Variants in KAT6B observed in about 807,000 individuals in gnomAD.
KAT6B encodes histone acetyltransferase KAT6B.
A neutral mutation model predicts 187.5 loss-of-function variants in KAT6B; 10 were observed. That is an observed-to-expected ratio of 0.05 (90% confidence interval 0.03 to 0.09). KAT6B has a LOEUF of 0.09. Among genes scored for constraint, KAT6B ranks in the 10% least tolerant of loss-of-function variants. The pLI is 1.00. For synonymous variants in KAT6B, 861 were observed against 926.8 expected (o/e 0.93, Z 1.29); for missense variants, 1,952 against 2,558.9 (o/e 0.76, Z 5.12).
At chr10:75,020,544 C>A in intron 13 of KAT6B, 38 bp from the exon 14 acceptor site, 1 of 1,422,262 alleles carries the variant, frequency 7.0e-7, no homozygotes, top group Non-Finnish European at 9.9e-7. Flanking sequence ...TCTGGGAATG[C>A]CACAGTGAGG....
intron 11 of KAT6B, chr10:74,984,040 T>A (rs1457492782): frequency 6.6e-6 from 1 of 152,202 alleles, no homozygotes; most frequent in African/African-American, 2.4e-5. Context: ...TCTCCATCTT[T>A]CCTTTTTGTA....
At chr10:74,975,248 A>G in intron 7 of KAT6B, 151 bp from the exon 8 acceptor site, 1 of 688,146 alleles carries the variant, frequency 1.5e-6, no homozygotes, top group Non-Finnish European at 2.5e-6. Context: ...TGCCTTTCCA[A>G]CAGAGAAACA....
chr10:74,884,507 T>A (rs1206857573), intron 3 of KAT6B, among the ~76,000 whole-genome samples: 3 of 152,236 alleles, frequency 2.0e-5, no homozygotes, highest in Non-Finnish European at 4.4e-5. Flanking sequence ...AGTGTGTTTT[T>A]AAATTTAATT....
intron 3 of KAT6B, among the ~76,000 whole-genome samples, chr10:74,909,734 T>G (rs1394602313): frequency 6.6e-6 from 1 of 152,206 alleles, no homozygotes; most frequent in Admixed American, 6.5e-5. Context: ...CCTAAATTTC[T>G]TCCCCCAAGT....
intron 3 of KAT6B, among the ~76,000 whole-genome samples, chr10:74,855,960 CT>C (rs1202553176): frequency 2.3e-4 from 35 of 152,226 alleles, no homozygotes; most frequent in Admixed American, 9.8e-4. Context: ...TATTTCACCC[CT>C]AAATACTTAA....
chr10:74,832,662 T>C (rs111621703), intron 1 of KAT6B, among the ~76,000 whole-genome samples: 253 of 151,740 alleles, frequency 1.7e-3, no homozygotes, highest in Non-Finnish European at 2.7e-3. Context: ...CCACCACGCC[T>C]GCTAATTTTT....
intron 13 of KAT6B, among the ~76,000 whole-genome samples, chr10:74,998,544 A>G (rs1323628630): frequency 1.3e-5 from 2 of 152,164 alleles, no homozygotes; most frequent in African/African-American, 2.4e-5. Flanking sequence ...AAAAACTAAA[A>G]CAGACTTGAT....
intron 13 of KAT6B, among the ~76,000 whole-genome samples, chr10:74,993,418 T>C (rs1229278478): frequency 2.0e-5 from 3 of 152,256 alleles, no homozygotes; most frequent in Non-Finnish European, 4.4e-5. Context: ...TTCTCTCTCA[T>C]ATTTTCTTTT....
chr10:74,907,987 A>T (rs1172771140), intron 3 of KAT6B, among the ~76,000 whole-genome samples: 2 of 152,176 alleles, frequency 1.3e-5, no homozygotes, highest in Non-Finnish European at 2.9e-5. Context: ...TTAAGAGGTG[A>T]TTGGATCACC....
chr10:75,007,934 G>A (rs913360073), intron 13 of KAT6B, among the ~76,000 whole-genome samples: 2 of 152,034 alleles, frequency 1.3e-5, no homozygotes, highest in Non-Finnish European at 2.9e-5. Flanking sequence ...TTTAGTGTAC[G>A]GGCATCAACT....
intron 3 of KAT6B, among the ~76,000 whole-genome samples, chr10:74,929,047 T>A (rs1288319282): frequency 4.6e-5 from 7 of 152,226 alleles, no homozygotes; most frequent in African/African-American, 1.7e-4. Context: ...TACGCAAAGC[T>A]TTTTGGGCTT....
intron 3 of KAT6B, among the ~76,000 whole-genome samples, chr10:74,917,031 G>GGAAGT (rs1035568563): frequency 1.8e-4 from 28 of 152,274 alleles, no homozygotes; most frequent in African/African-American, 6.7e-4. Flanking sequence ...CTTGAGCCTG[G>GGAAGT]GAAGTGGAGG....
At chr10:75,017,730 G>T (rs1432824916) in intron 13 of KAT6B, among the ~76,000 whole-genome samples, 3 of 152,244 alleles carry the variant, frequency 2.0e-5, no homozygotes, top group Non-Finnish European at 4.4e-5. Context: ...GAGAGGAAGT[G>T]CTGCTGCTGG....
At chr10:74,845,965 G>A (rs960808594) in intron 3 of KAT6B, among the ~76,000 whole-genome samples, 1 of 151,650 alleles carries the variant, frequency 6.6e-6, no homozygotes, top group Non-Finnish European at 1.5e-5. Context: ...CCGGGTTCAA[G>A]TGATGCTCTC....
At chr10:74,848,820 C>A (rs773367288) in intron 3 of KAT6B, among the ~76,000 whole-genome samples, 9 of 152,098 alleles carry the variant, frequency 5.9e-5, no homozygotes, top group Non-Finnish European at 1.0e-4. Flanking sequence ...ATTGATTGTA[C>A]TATAATTTCC....
chr10:75,014,663 G>A (rs1457460740), intron 13 of KAT6B, among the ~76,000 whole-genome samples: 1 of 152,186 alleles, frequency 6.6e-6, no homozygotes, highest in Non-Finnish European at 1.5e-5. Flanking sequence ...CCATGGCACA[G>A]GAAGTTGTTA....
chr10:74,945,397 G>T (rs1269508661), intron 3 of KAT6B, among the ~76,000 whole-genome samples: 1 of 152,178 alleles, frequency 6.6e-6, no homozygotes, highest in Non-Finnish European at 1.5e-5. Flanking sequence ...ACATTTTGGG[G>T]TGATGAGAGG....
At chr10:74,916,923 G>T (rs961334701) in intron 3 of KAT6B, among the ~76,000 whole-genome samples, 1 of 152,162 alleles carries the variant, frequency 6.6e-6, no homozygotes, top group African/African-American at 2.4e-5. Flanking sequence ...GCAAAATGTG[G>T]CAAAACCCTG....
intron 13 of KAT6B, among the ~76,000 whole-genome samples, chr10:75,000,479 A>T (rs949290358): frequency 3.3e-5 from 5 of 152,136 alleles, no homozygotes; most frequent in African/African-American, 1.2e-4. Flanking sequence ...TAAATCTCAG[A>T]TTAACTTTTT....
Sources: allele counts gnomAD v4.1 joint callset (sites outside exome capture counted in the v4.1 genomes callset), GRCh38; gene constraint gnomAD v4.1.1; transcripts MANE v1.5; gene names NCBI Gene and HGNC (gene_info 2026-07-23, HGNC 2026-07-21).